Variants in ZFHX3 observed in about 807,000 individuals in gnomAD.
ZFHX3 encodes zinc finger homeobox protein 3.
Under a neutral mutation model 279.1 loss-of-function variants are expected in ZFHX3, and 42 were observed. The ratio of observed to expected loss-of-function variants is 0.15; its 90% CI spans 0.12 to 0.19. ZFHX3 has a LOEUF of 0.19. Among genes scored for constraint, ZFHX3 ranks in the 10% least tolerant of loss-of-function variants. ZFHX3 has a pLI of 1.00. For missense variants in ZFHX3, 4,981 were observed against 4,754.0 expected (o/e 1.05, Z -1.40); for synonymous variants, 2,293 against 1,957.8 (o/e 1.17, Z -4.52).
chr16:73,347,180 A>T (rs1007402659), intron 3 of ZFHX3, among the ~76,000 whole-genome samples: 2 of 152,218 alleles, frequency 1.3e-5, no homozygotes, highest in Non-Finnish European at 2.9e-5. Flanking sequence ...TCCCCAATTC[A>T]TGTCATCCCA....
intron 5 of ZFHX3, among the ~76,000 whole-genome samples, chr16:72,824,530 G>A (rs1461710654): frequency 6.6e-6 from 1 of 152,114 alleles, no homozygotes; most frequent in East Asian, 1.9e-4. Flanking sequence ...ATTTCAAGTT[G>A]AGCTATTTCC....
chr16:73,116,946 G>A (rs1016706980), intron 7 of ZFHX3, among the ~76,000 whole-genome samples: 1 of 152,206 alleles, frequency 6.6e-6, no homozygotes, highest in African/African-American at 2.4e-5. Context: ...AAGCAAGGGG[G>A]ATGCATGTGC....
At chr16:73,733,966 T>C (rs926170366) in intron 1 of ZFHX3, among the ~76,000 whole-genome samples, 1 of 152,220 alleles carries the variant, frequency 6.6e-6, no homozygotes, top group African/African-American at 2.4e-5. Context: ...ACTGGTTTCA[T>C]GGAAGACAAT....
At chr16:73,381,503 G>C (rs2016817084) in intron 3 of ZFHX3, among the ~76,000 whole-genome samples, 1 of 152,120 alleles carries the variant, frequency 6.6e-6, no homozygotes, top group South Asian at 2.1e-4. Flanking sequence ...AAGATCTTAG[G>C]ATACATTGGA....
At position 73,065,904 on chromosome 16, in the gene ZFHX3, G is replaced by A. The variant is rs1965745692; in HGVS notation, c.-532-6892C>T. Among the ~76,000 whole-genome samples the A allele has an allele frequency of 2.0e-5, 3 of 152,352 alleles. No individual in the cohort carries two copies. The South Asian group carries it at 6.2e-4, about 32-fold the overall frequency. On this transcript the variant is annotated intron_variant, in intron 8 of 17. Coordinates refer to the ZFHX3 transcript ENST00000641206. Reference sequence around the variant, plus strand: ...CGTTGGTTTCCCATTCTCAGAAATAGAGAAAAATGCGAATCCGATCTTCCC... The same window carrying A: ...CGTTGGTTTCCCATTCTCAGAAATAAAGAAAAATGCGAATCCGATCTTCCC...
chr16:72,811,551 C>T (rs1331591481), intron 7 of ZFHX3, 26 bp downstream of exon 7: 2 of 1,550,256 alleles, frequency 1.3e-6, no homozygotes, highest in Non-Finnish European at 1.7e-6. Context: ...AGAAAGACCA[C>T]AGGGTGCTGC....
At position 73,820,278 on chromosome 16, in the gene ZFHX3, G is replaced by A. The variant is rs1008245717; in HGVS notation, c.-1608+71373C>T. Among the ~76,000 whole-genome samples, 4 of 152,090 alleles carry A rather than the reference G, an allele frequency of 2.6e-5. No individual in the cohort carries two copies. In the South Asian group the frequency reaches 8.3e-4, roughly 32 times the overall value. ...CTAATTTTTTATGTTTTTTAGTAAA[G>A]ACAGGGTTTCACCGTGTTAGCCAGG... On this transcript the variant is annotated intron_variant, in intron 1 of 17. Transcript: ENST00000641206.
chr16:73,539,137 C>CTT (rs575202036), intron 2 of ZFHX3, among the ~76,000 whole-genome samples: 81 of 147,550 alleles, frequency 5.5e-4, no homozygotes, highest in African/African-American at 1.9e-3. Flanking sequence ...TTCTTTCTTT[C>CTT]TTTTTTTTTT....
chr16:73,303,963 GAAAAAAAAAA>G lies in ZFHX3; in HGVS notation c.-1194+14267_-1194+14276del, dbSNP rs201865011. Among the ~76,000 whole-genome samples, 96 of 76,132 alleles carry G rather than the reference GAAAAAAAAAA, an allele frequency of 1.3e-3. 1 individual carries two copies. Among genetic ancestry groups the G allele is most frequent in the East Asian group, 9.6e-3 (29 of 3,020 alleles). The allele number at this position is 76,132 out of a possible 152,430, so 49.9% of individuals were successfully genotyped here. On this transcript the variant is annotated intron_variant, in intron 4 of 17. Transcript: ENST00000641206. ...GATGGAGGTTCAAAAACCCTAGGTGGAAAAAAAAAAAAAAAAAAAAAAAAAAAGAAATGTA... is the reference window on the plus strand; with the variant it reads ...GATGGAGGTTCAAAAACCCTAGGTGGAAAAAAAAAAAAAAAAAGAAATGTA...
chr16:72,929,501 G>A (rs1179663132), intron 3 of ZFHX3, among the ~76,000 whole-genome samples: 3 of 152,174 alleles, frequency 2.0e-5, no homozygotes, highest in South Asian at 2.1e-4. Context: ...ACATGAGAAC[G>A]ATATGTCTAG....
intron 5 of ZFHX3, among the ~76,000 whole-genome samples, chr16:73,199,303 G>A (rs945290100): frequency 6.6e-6 from 1 of 152,210 alleles, no homozygotes; most frequent in East Asian, 1.9e-4. Flanking sequence ...CACCTAAGGT[G>A]ACAAAGAAAT....
In ZFHX3 at chr16:72,787,871, T is replaced by C. The variant is rs1279584698; in HGVS notation, c.10405A>G (p.Lys3469Glu). Residue 3469 changes from lysine to glutamate, a missense_variant, in exon 10 of 10, where the codon AAG (lysine) becomes GAG (glutamate). Physicochemically the swap from Lys to Glu is moderately conservative, Grantham distance 56. Around this residue, in one of 7 missense-constraint regions of ZFHX3, gnomAD observed 1,034 missense variants for 786.0 expected, o/e 1.32. Transcript: ENST00000268489. Reference sequence around the variant, plus strand: ...TCGTCGCTGAAGCCCGCCTGGCACTTGCGGCAGACCAACTTGTACTGCACC... The same window carrying C: ...TCGTCGCTGAAGCCCGCCTGGCACTCGCGGCAGACCAACTTGTACTGCACC... ...PKVQYKLVCRKCQAGFSDEEA... is the reference protein window; with the variant it reads ...PKVQYKLVCRECQAGFSDEEA... 15 of 1,613,772 alleles carry C rather than the reference T, an allele frequency of 9.3e-6. No individual in the cohort carries two copies. The highest frequency in any genetic ancestry group is 1.2e-5 in the Non-Finnish European group (14 of 1,179,986).
chr16:72,790,671 G>C (rs1194466592), intron 9 of ZFHX3: 1 of 152,228 alleles, frequency 6.6e-6, no homozygotes, highest in Admixed American at 6.5e-5. Context: ...AGACACCAGA[G>C]AAGATATGTG....
chr16:73,347,111 C>G (rs2016138533), intron 3 of ZFHX3, among the ~76,000 whole-genome samples: 1 of 152,306 alleles, frequency 6.6e-6, no homozygotes, highest in Non-Finnish European at 1.5e-5. Context: ...ATATAGAAGA[C>G]ACACAAATAA....
chr16:73,039,588 A>G (rs746043416), intron 1 of ZFHX3, among the ~76,000 whole-genome samples: 7 of 152,192 alleles, frequency 4.6e-5, no homozygotes, highest in Non-Finnish European at 2.9e-5. Flanking sequence ...AATGTCCTAC[A>G]ATGCACAAGG....
intron 3 of ZFHX3, among the ~76,000 whole-genome samples, chr16:73,368,261 C>G (rs1043590060): frequency 1.3e-5 from 2 of 152,258 alleles, no homozygotes; most frequent in East Asian, 3.9e-4. Flanking sequence ...AGCTGCAAAA[C>G]AAAACAAAAA....
intron 4 of ZFHX3, among the ~76,000 whole-genome samples, chr16:72,877,435 G>A (rs1054831444): frequency 2.0e-5 from 3 of 152,078 alleles, no homozygotes; most frequent in Non-Finnish European, 2.9e-5. Flanking sequence ...TAAACATCAC[G>A]GTCTTCTGTA....
chr16:73,309,749 A>G (rs1351919253), intron 4 of ZFHX3, among the ~76,000 whole-genome samples: 1 of 152,210 alleles, frequency 6.6e-6, no homozygotes, highest in Non-Finnish European at 1.5e-5. Flanking sequence ...TTGATCCAGC[A>G]GGACAATAAT....
chr16:73,818,036 T>A (rs1960627671), intron 1 of ZFHX3, among the ~76,000 whole-genome samples: 2 of 152,170 alleles, frequency 1.3e-5, no homozygotes, highest in South Asian at 4.1e-4. Context: ...TGTCACCCAT[T>A]TTGAAATGGG....
Sources: allele counts gnomAD v4.1 joint callset (sites outside exome capture counted in the v4.1 genomes callset), GRCh38; gene constraint gnomAD v4.1.1; regional missense constraint gnomAD v4.1.1; transcripts MANE v1.5; gene names NCBI Gene and HGNC (gene_info 2026-07-23, HGNC 2026-07-21).